MROH2A: variants seen among roughly 807,000 people sequenced by gnomAD.
MROH2A encodes the protein maestro heat like repeat family member 2A.
Under a neutral mutation model 200.4 loss-of-function variants are expected in MROH2A, and 174 were observed. The ratio of observed to expected loss-of-function variants is 0.87; its 90% CI spans 0.77 to 0.98. MROH2A has a LOEUF of 0.98. Ranked by LOEUF, MROH2A falls within the 50% of genes least tolerant of loss-of-function variation. The pLI, the probability that MROH2A is intolerant of heterozygous loss-of-function variation, is 0.00. For synonymous variants in MROH2A, 829 were observed against 840.4 expected, an observed-to-expected ratio of 0.99 and a Z score of 0.23; for missense variants, 2,045 against 2,139.6, an observed-to-expected ratio of 0.96 and a Z score of 0.87.
intron 19 of MROH2A, among the ~76,000 whole-genome samples, chr2:233,806,940 C>T (rs995463327): frequency 6.6e-6 from 1 of 152,136 alleles, no homozygotes; most frequent in South Asian, 2.1e-4. Flanking sequence ...TCCCCCACCC[C>T]TTTCCTACCC....
Position 233,828,961 on chromosome 2 carries a change from G to A in MROH2A, c.4335G>A (p.Val1445=). The stretch of plus-strand genomic sequence containing the variant: ...TGAGGGAGCCCGTGAGCAACAGCGT[G>A]ACTGCCGAGGGCATGGAGGCCCTGA... ...GPLREPVSNS[V]TAEGMEALTK... Residue 1445 remains valine, a synonymous_variant, in exon 37 of 42, where the codon GTG becomes GTA. Transcript: ENST00000389758. The surrounding 1 kb of genome is among the most constrained non-coding windows in gnomAD (Gnocchi z 4.6). The A allele has an allele frequency of 6.4e-7, 1 of 1,550,570 alleles. No individual in the cohort carries two copies. The highest frequency in any genetic ancestry group is 8.7e-7 in the Non-Finnish European group (1 of 1,146,996).
intron 24 of MROH2A, among the ~76,000 whole-genome samples, chr2:233,812,774 A>G (rs541659208): frequency 2.0e-5 from 3 of 152,198 alleles, no homozygotes; most frequent in African/African-American, 4.8e-5. Flanking sequence ...ACAAAAAAAA[A>G]GGGGCTACTA....
chr2:233,824,605 G>A (rs796544034), intron 35 of MROH2A, among the ~76,000 whole-genome samples: 97 of 152,350 alleles, frequency 6.4e-4, no homozygotes, highest in African/African-American at 2.3e-3. Context: ...AAGAGCCTCC[G>A]CTCAGTTGCT....
intron 41 of MROH2A, 44 bp downstream of exon 41, chr2:233,832,688 A>T: frequency 7.6e-7 from 1 of 1,311,306 alleles, no homozygotes; most frequent in Non-Finnish European, 1.1e-6. Context: ...CGACTCACCA[A>T]CTCACTAGGG....
At chr2:233,810,117 C>T (rs1703059258) in intron 22 of MROH2A, among the ~76,000 whole-genome samples, 1 of 152,232 alleles carries the variant, frequency 6.6e-6, no homozygotes, top group South Asian at 2.1e-4. Flanking sequence ...ACACATAGGG[C>T]TCGGGGCCCC....
intron 11 of MROH2A, 134 bp from the exon 12 acceptor site, chr2:233,798,640 G>T: frequency 1.5e-6 from 1 of 666,732 alleles, no homozygotes; most frequent in South Asian, 1.7e-5. Flanking sequence ...GCATGGCCAG[G>T]GAGGCTCCTA....
At chr2:233,832,667 T>C (rs1412640678) in intron 41 of MROH2A, 23 bp downstream of exon 41, 1 of 1,519,598 alleles carries the variant, frequency 6.6e-7, no homozygotes, top group Non-Finnish European at 8.9e-7. Flanking sequence ...GAGTGTTAGA[T>C]GTTGAGTCCA....
At position 233,807,297 on chromosome 2, in the gene MROH2A, G is replaced by C; in HGVS notation, c.2053-126G>C. On this transcript the variant is annotated intron_variant, in intron 19 of 41. Transcript: ENST00000389758. This position sits in a 1 kb window ranked among gnomAD's most constrained non-coding sequence, Gnocchi z 4.3. Reference sequence around the variant, plus strand: ...ACTTGTGAATTGTGCTGCTGTAAACGTGTGTGCAAGTATCTTCTGCACATT... The same window carrying C: ...ACTTGTGAATTGTGCTGCTGTAAACCTGTGTGCAAGTATCTTCTGCACATT... The C allele has an allele frequency of 9.6e-7, 1 of 1,041,412 alleles. No homozygotes were observed. Among genetic ancestry groups the C allele is most frequent in the Non-Finnish European group, 1.3e-6 (1 of 742,426 alleles). The allele number at this position is 1,041,412 out of a possible 1,614,324, so 64.5% of individuals were successfully genotyped here.
At position 233,828,514 on chromosome 2, in the gene MROH2A, C is replaced by T; in HGVS notation, c.4114-116C>T. The T allele has an allele frequency of 7.8e-7, 1 of 1,278,384 alleles. No homozygotes were observed. Among genetic ancestry groups the T allele is most frequent in the Non-Finnish European group, 1.1e-6 (1 of 938,754 alleles). 79.2% of individuals were successfully genotyped at this position (1,278,384 alleles called of 1,614,324 possible). A position where few individuals can be genotyped will look rare whatever the true frequency, so the allele number is the denominator to read the frequency against. On this transcript the variant is annotated intron_variant, in intron 35 of 41. Coordinates refer to ENST00000389758, the MANE Select transcript of MROH2A (RefSeq NM_001394639.1). The surrounding 1 kb of genome is among the most constrained non-coding windows in gnomAD (Gnocchi z 4.6). Reference sequence around the variant, plus strand: ...GAGAGGAAACGGAGGCTCTCAGAGCCCCTCCCCTCCTGTCCACAGAGCCAC... The same window carrying T: ...GAGAGGAAACGGAGGCTCTCAGAGCTCCTCCCCTCCTGTCCACAGAGCCAC...
intron 2 of MROH2A, 75 bp from the exon 3 acceptor site, chr2:233,779,596 C>A: frequency 6.7e-7 from 1 of 1,497,558 alleles, no homozygotes. Flanking sequence ...CAGGTGGAGG[C>A]AAGGCCAGGG....
Position 233,802,182 on chromosome 2 carries a change from G to A in MROH2A, c.1575G>A (p.Arg525=). 6.5e-7 allele frequency: 1 copy of A among 1,549,168 alleles called. No homozygotes were observed. The highest frequency in any genetic ancestry group is 8.7e-7 in the Non-Finnish European group (1 of 1,146,082). The change falls in exon 15 of 42, where the codon AGG becomes AGA. Residue 525 remains arginine, a synonymous_variant. Coordinates refer to ENST00000389758, the MANE Select transcript of MROH2A (RefSeq NM_001394639.1). The part of the protein sequence containing the change: ...VSGMTTEFWV[R]LLCYIMETDY... The stretch of plus-strand genomic sequence containing the variant: ...CCCTACCCCAGGAGTTTTGGGTGAG[G>A]CTGCTGTGCTACATCATGGAGACAG...
chr2:233,832,493 C>T (rs1029285143), intron 40 of MROH2A, 86 bp from the exon 41 acceptor site: 106 of 1,145,182 alleles, frequency 9.3e-5, no homozygotes, highest in Non-Finnish European at 1.4e-4. Flanking sequence ...TCAATGCTCT[C>T]ATAACGTAAA....
rs747674739 is a variant in MROH2A, at chr2:233,829,680, G to A, written c.4507G>A (p.Gly1503Arg). 2.0e-5 allele frequency: 30 copies of A among 1,493,052 alleles called. No individual in the cohort carries two copies. Among genetic ancestry groups the A allele is most frequent in the South Asian group, 1.7e-4 (13 of 75,452 alleles). The allele number at this position is 1,493,052 out of a possible 1,614,324, so 92.5% of individuals were successfully genotyped here. ...ILFGKLARVV[G>R]MSKKHFFKGE... ...CTTTGGAAAGCTGGCAAGGGTGGTC[G>A]GGATGTCCAAGAAGCATTTCTTCAA... The change falls in exon 38 of 42, where the codon GGG (glycine) becomes AGG (arginine). Residue 1503 changes from glycine (G) to arginine (R), a missense_variant. By Grantham distance (125) the Gly-to-Arg change is moderately radical (BLOSUM62 -2). Coordinates refer to ENST00000389758, the MANE Select transcript of MROH2A (RefSeq NM_001394639.1).
intron 5 of MROH2A, among the ~76,000 whole-genome samples, chr2:233,792,217 C>G (rs1025218590): frequency 2.6e-5 from 4 of 152,080 alleles, no homozygotes; most frequent in African/African-American, 9.7e-5. Flanking sequence ...TCTTCCCTCC[C>G]TCTCTCGGAC....
chr2:233,808,181 A>C (rs10203123), intron 21 of MROH2A, among the ~76,000 whole-genome samples: 97,029 of 151,808 alleles, frequency 0.64, 31,298 homozygotes, highest in Middle Eastern at 0.73. Context: ...CAGGCCCCAC[A>C]CAGACCCACA....
At chr2:233,806,586 G>A (rs116379357) in intron 19 of MROH2A, among the ~76,000 whole-genome samples, 1,565 of 152,246 alleles carry the variant, frequency 0.01, 29 homozygotes, top group African/African-American at 0.036. Context: ...ACACATCACA[G>A]TGAGAATGTT....
intron 38 of MROH2A, among the ~76,000 whole-genome samples, chr2:233,831,090 C>T (rs1704711008): frequency 6.6e-6 from 1 of 152,228 alleles, no homozygotes; most frequent in Non-Finnish European, 1.5e-5. Flanking sequence ...CCAGTCTTGC[C>T]TGCTCAAGCC....
intron 35 of MROH2A, among the ~76,000 whole-genome samples, chr2:233,827,727 ATAAAAAT>A (rs1704412497): frequency 6.6e-6 from 1 of 152,190 alleles, no homozygotes; most frequent in African/African-American, 2.4e-5. Flanking sequence ...AGAACTAAAA[ATAAAAAT>A]TAAAAAAAAA....
intron 26 of MROH2A, among the ~76,000 whole-genome samples, chr2:233,816,360 A>G (rs181435136): frequency 5.3e-5 from 8 of 152,236 alleles, no homozygotes; most frequent in African/African-American, 1.9e-4. Context: ...TTATTTAGCT[A>G]TGTTATTAGG....
Sources: allele counts gnomAD v4.1 joint callset (sites outside exome capture counted in the v4.1 genomes callset), GRCh38; gene constraint gnomAD v4.1.1; non-coding constraint Gnocchi (gnomAD v3.1); transcripts MANE v1.5; gene names NCBI Gene and HGNC (gene_info 2026-07-23, HGNC 2026-07-21).